CSGALNACT1: variants seen among roughly 807,000 people sequenced by gnomAD.
CSGALNACT1 encodes chondroitin sulfate N-acetylgalactosaminyltransferase 1, also known as beta4GalNAcT-1.
CSGALNACT1 carries 52 observed loss-of-function variants against 51.0 expected under a neutral mutation model. That is an observed-to-expected ratio of 1.02 (90% CI 0.82 to 1.29). The LOEUF is 1.29. Among genes scored for constraint, CSGALNACT1 ranks in the 50% most tolerant of loss-of-function variants. The pLI is 0.00. For missense variants in CSGALNACT1, 935 were observed against 679.2 expected, an observed-to-expected ratio of 1.38 and a Z score of -4.19; for synonymous variants, 341 against 254.4, an observed-to-expected ratio of 1.34 and a Z score of -3.24.
intron 1 of CSGALNACT1, among the ~76,000 whole-genome samples, chr8:19,650,415 G>C (rs1047905207): frequency 2.0e-5 from 3 of 152,068 alleles, no homozygotes; most frequent in Non-Finnish European, 2.9e-5. Flanking sequence ...ATCCAGGAGG[G>C]GTTCTAGTTT....
chr8:19,634,949 C>A (rs1032140756), intron 1 of CSGALNACT1, among the ~76,000 whole-genome samples: 1 of 152,146 alleles, frequency 6.6e-6, no homozygotes, highest in South Asian at 2.1e-4. Context: ...AAAGCAGTAG[C>A]GCTAATCAGA....
chr8:19,418,841 T>C, intron 7 of CSGALNACT1, 91 bp from the exon 7 acceptor site: 1 of 851,842 alleles, frequency 1.2e-6, no homozygotes, highest in South Asian at 1.4e-5. Flanking sequence ...ACACCCCAGA[T>C]ATTTGCACCC....
intron 3 of CSGALNACT1, among the ~76,000 whole-genome samples, chr8:19,546,181 T>G (rs2086421172): frequency 6.6e-6 from 1 of 152,204 alleles, no homozygotes; most frequent in Non-Finnish European, 1.5e-5. Flanking sequence ...ATATTTTTAG[T>G]ATGCTTTGCC....
chr8:19,535,285 T>C (rs992486235), intron 3 of CSGALNACT1, among the ~76,000 whole-genome samples: 1 of 152,188 alleles, frequency 6.6e-6, no homozygotes, highest in Non-Finnish European at 1.5e-5. Flanking sequence ...AGCGTGTTCT[T>C]CTAGCACCTC....
At chr8:19,544,217 A>G (rs1252186456) in intron 3 of CSGALNACT1, among the ~76,000 whole-genome samples, 1 of 152,204 alleles carries the variant, frequency 6.6e-6, no homozygotes, top group Non-Finnish European at 1.5e-5. Flanking sequence ...CAGAGGCAAC[A>G]AAATAAAACT....
intron 1 of CSGALNACT1, among the ~76,000 whole-genome samples, chr8:19,610,403 G>A (rs957673771): frequency 6.6e-6 from 1 of 151,758 alleles, no homozygotes; most frequent in Admixed American, 6.6e-5. Context: ...GTGAGGACAG[G>A]CATTTCCTGC....
chr8:19,517,301 G>A (rs189791875), intron 3 of CSGALNACT1, among the ~76,000 whole-genome samples: 1 of 152,240 alleles, frequency 6.6e-6, no homozygotes, highest in African/African-American at 2.4e-5. Flanking sequence ...TTAGCTGGGT[G>A]TGGTGGCACA....
intron 7 of CSGALNACT1, 99 bp from the exon 7 acceptor site, chr8:19,418,849 C>A (rs539332228): frequency 3.6e-6 from 3 of 825,052 alleles, no homozygotes; most frequent in Non-Finnish European, 6.2e-6. Flanking sequence ...GATATTTGCA[C>A]CCACTTTTTT....
chr8:19,646,068 A>G (rs976748817), intron 1 of CSGALNACT1, among the ~76,000 whole-genome samples: 1 of 152,248 alleles, frequency 6.6e-6, no homozygotes, highest in Non-Finnish European at 1.5e-5. Context: ...ATCTAGAATA[A>G]GCCTATTGAA....
intron 5 of CSGALNACT1, among the ~76,000 whole-genome samples, chr8:19,452,962 C>T (rs767367628): frequency 6.6e-6 from 1 of 152,122 alleles, no homozygotes; most frequent in African/African-American, 2.4e-5. Flanking sequence ...AAAATATGCA[C>T]AACAATTCTC....
chr8:19,421,484 C>G (rs1467924313), intron 6 of CSGALNACT1, among the ~76,000 whole-genome samples: 1 of 152,170 alleles, frequency 6.6e-6, no homozygotes, highest in African/African-American at 2.4e-5. Flanking sequence ...TTCAGCCTAG[C>G]AAATCCCTTT....
intron 1 of CSGALNACT1, among the ~76,000 whole-genome samples, chr8:19,744,650 A>T (rs1263299735): frequency 1.3e-5 from 2 of 152,180 alleles, no homozygotes; most frequent in Non-Finnish European, 2.9e-5. Flanking sequence ...CATGCTTATA[A>T]ACTGAAAATT....
chr8:19,550,505 A>G lies in CSGALNACT1; in HGVS notation c.-297+40655T>C, dbSNP rs78800918. On this transcript the variant is annotated intron_variant, in intron 3 of 9. Transcript: ENST00000454498. ...TTCTCTAATGTCTCACAGAATACCA[A>G]TTATAGGTTTTTGAAGTTTTTTTCT... 5.2e-4 allele frequency among the ~76,000 whole-genome samples: 79 copies of G among 152,172 alleles called. No homozygotes were observed. The East Asian group carries it at 0.015, about 28-fold the overall frequency.
At chr8:19,499,835 A>T (rs7830404) in intron 4 of CSGALNACT1, among the ~76,000 whole-genome samples, 90,990 of 151,982 alleles carry the variant, frequency 0.6, 27,695 homozygotes, top group East Asian at 0.84. Context: ...ATGAACATTA[A>T]TTCTAGCATG....
chr8:19,646,250 G>C (rs965622722), intron 1 of CSGALNACT1, among the ~76,000 whole-genome samples: 1 of 152,182 alleles, frequency 6.6e-6, no homozygotes, highest in Non-Finnish European at 1.5e-5. Flanking sequence ...TATCTGGATC[G>C]TAAGAGAATT....
chr8:19,725,869 A>G (rs1300426616), intron 1 of CSGALNACT1, among the ~76,000 whole-genome samples: 1 of 152,070 alleles, frequency 6.6e-6, no homozygotes, highest in Non-Finnish European at 1.5e-5. Flanking sequence ...AGAGTGGTGC[A>G]TTTGTTACAC....
At chr8:19,418,614 T>C (rs1202980575) in intron 8 of CSGALNACT1, 42 bp downstream of exon 7, 2 of 1,326,252 alleles carry the variant, frequency 1.5e-6, no homozygotes, top group African/African-American at 1.4e-5. Context: ...TGACAGACAC[T>C]AAACAGAGCC....
chr8:19,592,527 G>A (rs1010254889), intron 2 of CSGALNACT1, among the ~76,000 whole-genome samples: 1 of 152,232 alleles, frequency 6.6e-6, no homozygotes, highest in African/African-American at 2.4e-5. Flanking sequence ...CAAGGCAGGT[G>A]GATCACTTGA....
At chr8:19,625,626 A>G (rs1464159416) in intron 1 of CSGALNACT1, among the ~76,000 whole-genome samples, 2 of 152,206 alleles carry the variant, frequency 1.3e-5, no homozygotes, top group Non-Finnish European at 2.9e-5. Flanking sequence ...CAAGTTCCCA[A>G]GCTGACTCTA....
Sources: allele counts gnomAD v4.1 joint callset (sites outside exome capture counted in the v4.1 genomes callset), GRCh38; gene constraint gnomAD v4.1.1; transcripts MANE v1.5; gene names NCBI Gene and HGNC (gene_info 2026-07-23, HGNC 2026-07-21).